The following BICRAL variants were observed in gnomAD, a reference collection of about 807,000 sequenced individuals.
The protein encoded by BICRAL is BRD4-interacting chromatin-remodeling complex-associated protein-like.
BICRAL carries 8 observed loss-of-function variants against 91.8 expected under a neutral mutation model. The observed-to-expected ratio is 0.09, with a 90% confidence interval of 0.05 to 0.16. BICRAL has a LOEUF of 0.16. Ranked by LOEUF, BICRAL falls within the 10% of genes least tolerant of loss-of-function variation. BICRAL has a pLI of 1.00. For synonymous variants in BICRAL, 445 were observed against 491.1 expected (o/e 0.91, Z 1.24); for missense variants, 1,038 against 1,310.9 (o/e 0.79, Z 3.21).
intron 2 of BICRAL, among the ~76,000 whole-genome samples, chr6:42,812,727 G>A (rs59380173): frequency 0.29 from 43,445 of 151,866 alleles, 6,805 homozygotes; most frequent in South Asian, 0.46. Flanking sequence ...AATGAAAGCC[G>A]GAGAGATTAA....
At chr6:42,840,887 A>C (rs981259308) in intron 6 of BICRAL, among the ~76,000 whole-genome samples, 2 of 151,490 alleles carry the variant, frequency 1.3e-5, no homozygotes, top group African/African-American at 4.8e-5. Context: ...TAGCGTGGCT[A>C]ACATGGTGAA....
At position 42,838,161 on chromosome 6, in the gene BICRAL, C is replaced by T. The variant is rs191446375; in HGVS notation, c.1839+7989C>T. 1.4e-4 allele frequency among the ~76,000 whole-genome samples: 22 copies of T among 152,302 alleles called. No individual in the cohort carries two copies. The East Asian group carries it at 4.0e-3, about 28-fold the overall frequency. On this transcript the variant is annotated intron_variant, in intron 6 of 12. Coordinates refer to ENST00000314073, the MANE Select transcript of BICRAL (RefSeq NM_001393499.1). The stretch of plus-strand genomic sequence containing the variant: ...AGCAGGTGTCTCCTAGGAACAAGGA[C>T]CTTTTAATATAATTATATCAAATTT...
chr6:42,782,710 T>A (rs2113860558), intron 1 of BICRAL, among the ~76,000 whole-genome samples: 1 of 151,186 alleles, frequency 6.6e-6, no homozygotes, highest in Middle Eastern at 3.4e-3. Flanking sequence ...ATTAGTTGTG[T>A]GCGCGAGTGT....
intron 1 of BICRAL, among the ~76,000 whole-genome samples, chr6:42,797,957 C>T (rs1232536023): frequency 1.3e-5 from 2 of 152,044 alleles, no homozygotes; most frequent in Admixed American, 6.6e-5. Flanking sequence ...GCCTTGGTGA[C>T]AAAGTGAGAC....
chr6:42,775,003 A>G (rs1248220830), intron 1 of BICRAL, among the ~76,000 whole-genome samples: 1 of 151,792 alleles, frequency 6.6e-6, no homozygotes, highest in African/African-American at 2.4e-5. Flanking sequence ...CGCCATCTCA[A>G]CTAACTGCAA....
At chr6:42,860,111 G>C in intron 10 of BICRAL, 151 bp from the exon 11 acceptor site, 3 of 573,472 alleles carry the variant, frequency 5.2e-6, no homozygotes, top group Non-Finnish European at 3.2e-6. Flanking sequence ...ATGATGCTTA[G>C]CCGGGGAAAA....
intron 1 of BICRAL, among the ~76,000 whole-genome samples, chr6:42,782,888 C>T (rs952864363): frequency 2.7e-5 from 4 of 146,162 alleles, no homozygotes; most frequent in Non-Finnish European, 5.9e-5. Flanking sequence ...CCTCTGTTTT[C>T]CCCCCCTCGT....
chr6:42,857,614 A>AAAAAATATATAT, intron 10 of BICRAL, among the ~76,000 whole-genome samples: 60 of 96,204 alleles, frequency 6.2e-4, no homozygotes, highest in Admixed American at 1.7e-3. Flanking sequence ...AAAAAAAAAA[A>AAAAAATATATAT]ATATATATAT....
At chr6:42,761,852 T>A (rs1250261771) in intron 1 of BICRAL, among the ~76,000 whole-genome samples, 1 of 152,032 alleles carries the variant, frequency 6.6e-6, no homozygotes, top group Non-Finnish European at 1.5e-5. Flanking sequence ...AGGTCGAGGC[T>A]TCAGCGAGCC....
chr6:42,862,032 C>T (rs925417399), intron 11 of BICRAL, among the ~76,000 whole-genome samples: 1 of 150,716 alleles, frequency 6.6e-6, no homozygotes, highest in African/African-American at 2.4e-5. Context: ...ATAATGCCAC[C>T]AAAGTCTGTA....
At chr6:42,840,213 G>C in intron 6 of BICRAL, among the ~76,000 whole-genome samples, 1 of 144,626 alleles carries the variant, frequency 6.9e-6, no homozygotes, top group Admixed American at 6.8e-5. Flanking sequence ...CTTTATTTTT[G>C]TTCTTTTTTG....
At chr6:42,783,902 G>A (rs959776891) in intron 1 of BICRAL, among the ~76,000 whole-genome samples, 3 of 152,182 alleles carry the variant, frequency 2.0e-5, no homozygotes, top group Admixed American at 2.0e-4. Context: ...CGGCGTGGGG[G>A]CAGGGCATTG....
chr6:42,750,335 A>G lies in BICRAL; in HGVS notation c.-261+3312A>G, dbSNP rs541609603. On this transcript the variant is annotated intron_variant, in intron 1 of 14. Coordinates refer to the BICRAL transcript ENST00000614467. ...ACCACCACTCCCAGCTAAATTTGGTATTTTTTTTTGCAAAGACAGGGTTTT... is the reference window on the plus strand; with the variant it reads ...ACCACCACTCCCAGCTAAATTTGGTGTTTTTTTTTGCAAAGACAGGGTTTT... 2.1e-5 allele frequency among the ~76,000 whole-genome samples: 3 copies of G among 145,448 alleles called. No individual in the cohort carries two copies. The South Asian group carries it at 6.6e-4, about 32-fold the overall frequency.
chr6:42,846,824 C>G (rs759698060), intron 6 of BICRAL, among the ~76,000 whole-genome samples: 22 of 152,208 alleles, frequency 1.4e-4, no homozygotes, highest in Admixed American at 1.3e-4. Flanking sequence ...CTCTTATCTG[C>G]CCTCTGGCAA....
intron 2 of BICRAL, among the ~76,000 whole-genome samples, chr6:42,819,327 C>T (rs976342911): frequency 1.3e-5 from 2 of 151,994 alleles, no homozygotes; most frequent in African/African-American, 4.8e-5. Flanking sequence ...TCTCTGTCAC[C>T]CAGGCTGGAG....
chr6:42,777,123 A>G (rs983988000), upstream of BICRAL, among the ~76,000 whole-genome samples: 2 of 152,258 alleles, frequency 1.3e-5, no homozygotes, highest in African/African-American at 4.8e-5. Flanking sequence ...AGGTTGAATC[A>G]TAGGAGACTG....
chr6:42,765,743 C>G (rs1182701759), intron 1 of BICRAL, among the ~76,000 whole-genome samples: 1 of 152,058 alleles, frequency 6.6e-6, no homozygotes, highest in Non-Finnish European at 1.5e-5. Context: ...ATTCCTGGTG[C>G]TCTCTTGTTG....
intron 1 of BICRAL, among the ~76,000 whole-genome samples, chr6:42,770,215 C>T (rs1022146638): frequency 6.6e-6 from 1 of 151,954 alleles, no homozygotes; most frequent in Non-Finnish European, 1.5e-5. Context: ...CTGTTCTTCC[C>T]TCTCTTAGTT....
At chr6:42,786,816 G>A (rs1763115633) in intron 1 of BICRAL, among the ~76,000 whole-genome samples, 1 of 152,174 alleles carries the variant, frequency 6.6e-6, no homozygotes, top group Non-Finnish European at 1.5e-5. Flanking sequence ...CAAAGACCTG[G>A]AAGGCTGGTT....
Sources: allele counts gnomAD v4.1 joint callset (sites outside exome capture counted in the v4.1 genomes callset), GRCh38; gene constraint gnomAD v4.1.1; transcripts MANE v1.5; gene names NCBI Gene and HGNC (gene_info 2026-07-23, HGNC 2026-07-21).